Variants in ZMYND11 observed in about 807,000 individuals in gnomAD.
The protein encoded by ZMYND11 is zinc finger MYND domain-containing protein 11.
A neutral mutation model predicts 84.9 loss-of-function variants in ZMYND11; 9 were observed. That is an observed-to-expected ratio of 0.11 (90% CI 0.06 to 0.18). The LOEUF (loss-of-function observed/expected upper bound fraction) is 0.18, where lower values mean the gene tolerates loss of function less well. Among genes scored for constraint, ZMYND11 ranks in the 10% least tolerant of loss-of-function variants. The probability of loss-of-function intolerance (pLI) is 1.00; values close to 1 mark genes in which losing one functional copy is unlikely to be tolerated. For missense variants in ZMYND11, 409 were observed against 761.0 expected, an observed-to-expected ratio of 0.54 and a Z score of 5.44; for synonymous variants, 250 against 244.1, an observed-to-expected ratio of 1.02 and a Z score of -0.23.
chr10:213,188 T>G (rs1403179151), intron 3 of ZMYND11, among the ~76,000 whole-genome samples: 1 of 152,156 alleles, frequency 6.6e-6, no homozygotes, highest in East Asian at 1.9e-4. Context: ...TCACAGACAT[T>G]GTATATTTGC....
At chr10:142,828 CA>C (rs1476561253) in intron 1 of ZMYND11, among the ~76,000 whole-genome samples, 1 of 152,114 alleles carries the variant, frequency 6.6e-6, no homozygotes, top group Non-Finnish European at 1.5e-5. Context: ...TGGTTAATGC[CA>C]ACTCACCGGT....
chr10:205,582 C>T (rs985418680), intron 2 of ZMYND11, among the ~76,000 whole-genome samples: 3 of 151,580 alleles, frequency 2.0e-5, no homozygotes, highest in African/African-American at 7.3e-5. Context: ...CCCAGCTTCT[C>T]AGGAGGCTGA....
chr10:197,763 CATGGTTGAGAT>C lies in ZMYND11; in HGVS notation c.117-12125_117-12115del. On this transcript the variant is annotated intron_variant, in intron 2 of 14. Transcript: ENST00000381604. ...AGTGTAGTCCTATGTCTTGAGAAGT[CATGGTTGAGAT>C]TTCAGAGGCAATTTTAATTGAAATG... The C allele has an allele frequency of 1.2e-5, 4 of 339,732 alleles. No homozygotes were observed. The Admixed American group carries it at 2.0e-4, about 17-fold the overall frequency. 21.0% of individuals were successfully genotyped at this position (339,732 alleles called of 1,614,324 possible).
intron 11 of ZMYND11, 128 bp downstream of exon 11, chr10:247,101 C>G: frequency 9.8e-7 from 1 of 1,016,776 alleles, no homozygotes; most frequent in Non-Finnish European, 1.4e-6. Context: ...TTGTAAAGTG[C>G]TCTGCAAAAC....
intron 3 of ZMYND11, among the ~76,000 whole-genome samples, chr10:217,115 CT>C (rs1946307818): frequency 6.0e-5 from 1 of 16,790 alleles, no homozygotes; most frequent in Non-Finnish European, 7.2e-4. Context: ...GTGGATTATA[CT>C]TTAGAACACT....
intron 3 of ZMYND11, among the ~76,000 whole-genome samples, chr10:217,623 T>A (rs1946409126): frequency 6.6e-6 from 1 of 152,180 alleles, no homozygotes; most frequent in African/African-American, 2.4e-5. Context: ...TCTATCATTT[T>A]GTGACTTGGT....
chr10:236,713 G>C lies in ZMYND11; in HGVS notation c.439-125G>C, dbSNP rs151327533. 833 of 762,256 alleles carry C rather than the reference G, an allele frequency of 1.1e-3. 9 individuals carry two copies. The East Asian group carries it at 0.023, about 21-fold the overall frequency. The allele number at this position is 762,256 out of a possible 1,614,324, so 47.2% of individuals were successfully genotyped here. On this transcript the variant is annotated intron_variant, in intron 4 of 14. Transcript: ENST00000381604. ...TCAAAGATTTCTGTCAGATATGTTG[G>C]AAAAAGAGCACTTTTAGTAAACTCT...
chr10:240,388 C>A (rs1034981886), intron 8 of ZMYND11, among the ~76,000 whole-genome samples: 4 of 152,258 alleles, frequency 2.6e-5, no homozygotes, highest in Non-Finnish European at 4.4e-5. Context: ...CCTGTAGTCC[C>A]AGCTACTCGG....
intron 3 of ZMYND11, among the ~76,000 whole-genome samples, chr10:220,767 CCA>C (rs1947018764): frequency 6.6e-6 from 1 of 152,116 alleles, no homozygotes; most frequent in African/African-American, 2.4e-5. Context: ...CTCTCTGTTC[CCA>C]CAGTGTGTCA....
intron 1 of ZMYND11, among the ~76,000 whole-genome samples, chr10:139,222 T>C (rs561102204): frequency 6.6e-6 from 1 of 152,350 alleles, no homozygotes; most frequent in South Asian, 2.1e-4. Context: ...TTTATGTTAA[T>C]ATTTTTCTGT....
At chr10:190,099 T>C (rs1939932076) in intron 2 of ZMYND11, among the ~76,000 whole-genome samples, 1 of 152,220 alleles carries the variant, frequency 6.6e-6, no homozygotes, top group Non-Finnish European at 1.5e-5. Context: ...ATTTTTTGAA[T>C]GTAGAAATGG....
At chr10:142,568 G>C (rs1421562263) in intron 1 of ZMYND11, among the ~76,000 whole-genome samples, 1 of 152,130 alleles carries the variant, frequency 6.6e-6, no homozygotes, top group African/African-American at 2.4e-5. Context: ...AATCAAATTG[G>C]TCTGAATTCC....
intron 10 of ZMYND11, among the ~76,000 whole-genome samples, 188 bp from the exon 11 acceptor site, chr10:246,578 G>A (rs1952206511): frequency 6.6e-6 from 1 of 152,084 alleles, no homozygotes; most frequent in African/African-American, 2.4e-5. Flanking sequence ...CCATGACGAA[G>A]CCTAAGTGAT....
intron 1 of ZMYND11, among the ~76,000 whole-genome samples, chr10:174,939 C>T (rs550079348): frequency 2.0e-5 from 3 of 151,386 alleles, no homozygotes; most frequent in East Asian, 4.0e-4. Context: ...GTCATTCATA[C>T]ATTGGTCAGA....
intron 2 of ZMYND11, among the ~76,000 whole-genome samples, chr10:206,592 C>A (rs150042282): frequency 3.3e-4 from 50 of 152,246 alleles, no homozygotes; most frequent in African/African-American, 1.1e-3. Context: ...ACACTTCCAT[C>A]TTGACCCCTG....
chr10:136,436 G>C (rs1363436312), intron 1 of ZMYND11, among the ~76,000 whole-genome samples: 2 of 152,072 alleles, frequency 1.3e-5, no homozygotes, highest in African/African-American at 2.4e-5. Context: ...GCAGTACCGG[G>C]GATTATATAT....
At chr10:232,407 C>G (rs957470281) in intron 4 of ZMYND11, among the ~76,000 whole-genome samples, 33 of 152,226 alleles carry the variant, frequency 2.2e-4, no homozygotes, top group African/African-American at 7.2e-4. Context: ...AGAAAACCCT[C>G]AAGTTTTTCA....
Position 211,486 on chromosome 10 carries a change from C to T in ZMYND11, c.276+1438C>T, listed in dbSNP as rs375501773. On this transcript the variant is annotated intron_variant, in intron 3 of 14. Transcript: ENST00000381604. Reference sequence around the variant, plus strand: ...TTTTCTGGCTCTACAGCAGATGAGCCAGCAAACATACTAACCTGTGAAGCC... The same window carrying T: ...TTTTCTGGCTCTACAGCAGATGAGCTAGCAAACATACTAACCTGTGAAGCC... Among the ~76,000 whole-genome samples the T allele has an allele frequency of 3.0e-4, 45 of 152,178 alleles. 1 individual carries two copies. In the South Asian group the frequency reaches 9.1e-3, roughly 31 times the overall value.
intron 1 of ZMYND11, among the ~76,000 whole-genome samples, chr10:161,095 G>A (rs553612562): frequency 6.6e-6 from 1 of 151,848 alleles, no homozygotes; most frequent in South Asian, 2.1e-4. Flanking sequence ...CCAAAGTGCT[G>A]GGATTACAGG....
Sources: gnomAD v4.1 joint callset for allele counts (sites outside exome capture counted in the v4.1 genomes callset) on GRCh38, gnomAD v4.1.1 for gene constraint, MANE v1.5 for transcripts, NCBI Gene and HGNC (gene_info 2026-07-23, HGNC 2026-07-21) for gene names.